Variants in CALN1 observed in about 807,000 individuals in gnomAD.
CALN1 encodes calneuron 1.
CALN1 carries 17 observed loss-of-function variants against 30.6 expected under a neutral mutation model. That is an observed-to-expected ratio of 0.56 (90% confidence interval 0.38 to 0.83). The LOEUF (loss-of-function observed/expected upper bound fraction) is 0.83, where lower values mean the gene tolerates loss of function less well. Ranked by LOEUF, CALN1 falls within the 40% of genes least tolerant of loss-of-function variation. The pLI, the probability that CALN1 is intolerant of heterozygous loss-of-function variation, is 0.00. For synonymous variants in CALN1, 156 were observed against 131.4 expected, an observed-to-expected ratio of 1.19 and a Z score of -1.28; for missense variants, 291 against 354.9, an observed-to-expected ratio of 0.82 and a Z score of 1.45.
At chr7:72,019,063 C>A (rs1007614247) in intron 5 of CALN1, among the ~76,000 whole-genome samples, 1 of 150,292 alleles carries the variant, frequency 6.7e-6, no homozygotes, top group South Asian at 2.1e-4. Context: ...GTTGGCCAGG[C>A]TGGTCTCAAA....
At chr7:72,164,962 TGGGATTACA>T (rs1436448927) in intron 3 of CALN1, among the ~76,000 whole-genome samples, 1 of 148,996 alleles carries the variant, frequency 6.7e-6, no homozygotes, top group Non-Finnish European at 1.5e-5. Flanking sequence ...TCCAAAGTCC[TGGGATTACA>T]GGCATAAGCC....
chr7:72,336,845 C>T (rs895090925), intron 2 of CALN1: 4 of 985,130 alleles, frequency 4.1e-6, no homozygotes, highest in Non-Finnish European at 4.8e-6. Flanking sequence ...GCTCACACCC[C>T]CAGCAGGCAG....
chr7:72,131,817 C>G (rs971537833), intron 3 of CALN1, among the ~76,000 whole-genome samples: 3 of 152,140 alleles, frequency 2.0e-5, no homozygotes, highest in Non-Finnish European at 4.4e-5. Context: ...TTGCCTGGAA[C>G]CACTCTCTTT....
chr7:72,376,375 G>A (rs1230120626), intron 2 of CALN1, among the ~76,000 whole-genome samples: 5 of 152,104 alleles, frequency 3.3e-5, no homozygotes, highest in East Asian at 1.9e-4. Context: ...CAATGTCTCC[G>A]CATCCTTTCT....
intron 5 of CALN1, among the ~76,000 whole-genome samples, chr7:71,973,420 T>C (rs952900107): frequency 4.6e-5 from 7 of 152,144 alleles, no homozygotes; most frequent in African/African-American, 1.7e-4. Context: ...AGGTGTTCCA[T>C]CCGTCTCGGC....
chr7:72,351,404 G>A (rs1308413217), intron 2 of CALN1, among the ~76,000 whole-genome samples: 2 of 151,876 alleles, frequency 1.3e-5, no homozygotes, highest in African/African-American at 2.4e-5. Flanking sequence ...ATAAGTCCTG[G>A]GAATGGAAAA....
chr7:71,798,127 G>GAC lies in CALN1; in HGVS notation c.659-10226_659-10225insGT, dbSNP rs1325197715. Among the ~76,000 whole-genome samples, 18 of 35,580 alleles carry GAC rather than the reference G, an allele frequency of 5.1e-4. No individual in the cohort carries two copies. In the East Asian group the frequency reaches 9.2e-3, roughly 18 times the overall value. 23.3% of individuals were successfully genotyped at this position (35,580 alleles called of 152,430 possible). A position where few individuals can be genotyped will look rare whatever the true frequency, so the allele number is the denominator to read the frequency against. ...AGAGAGAGACAGAGACAGAGACAGAGAGAGAGAGAGAGAGAGAGAGAGAGA... is the reference window on the plus strand; with the variant it reads ...AGAGAGAGACAGAGACAGAGACAGAGACAGAGAGAGAGAGAGAGAGAGAGAGA... On this transcript the variant is annotated intron_variant, in intron 6 of 6. Coordinates refer to ENST00000395275, the MANE Select transcript of CALN1 (RefSeq NM_031468.4).
intron 3 of CALN1, among the ~76,000 whole-genome samples, chr7:72,228,163 A>G (rs144209537): frequency 8.8e-4 from 134 of 152,032 alleles, no homozygotes; most frequent in African/African-American, 2.9e-3. Flanking sequence ...GGGCTTGTCA[A>G]TGAGATGCCT....
chr7:72,150,753 T>G (rs1787169517), intron 3 of CALN1, among the ~76,000 whole-genome samples: 2 of 152,200 alleles, frequency 1.3e-5, no homozygotes, highest in Non-Finnish European at 2.9e-5. Context: ...TTTTTTCATT[T>G]GTAAAATGGG....
intron 2 of CALN1, among the ~76,000 whole-genome samples, chr7:72,318,247 T>C (rs1562880204): frequency 1.3e-5 from 2 of 152,204 alleles, no homozygotes; most frequent in Non-Finnish European, 2.9e-5. Context: ...TTTACGTTAT[T>C]TTCTCTTCTG....
At chr7:72,449,128 T>C (rs1808607418), upstream of CALN1, among the ~76,000 whole-genome samples, 1 of 152,136 alleles carries the variant, frequency 6.6e-6, no homozygotes, top group South Asian at 2.1e-4. Flanking sequence ...GGGTTTATAA[T>C]TTGAAAATTA....
At chr7:72,320,670 A>C (rs912270229) in intron 2 of CALN1, among the ~76,000 whole-genome samples, 1 of 151,980 alleles carries the variant, frequency 6.6e-6, no homozygotes, top group Non-Finnish European at 1.5e-5. Flanking sequence ...CCCCATCTCT[A>C]CTAAAAATAC....
intron 4 of CALN1, among the ~76,000 whole-genome samples, chr7:72,093,145 CT>C (rs1805989068): frequency 6.6e-6 from 1 of 152,134 alleles, no homozygotes; most frequent in Admixed American, 6.5e-5. Context: ...CTCTCACATA[CT>C]AGTTAAAGCA....
chr7:72,389,499 T>C, intron 2 of CALN1, among the ~76,000 whole-genome samples: 1 of 152,198 alleles, frequency 6.6e-6, no homozygotes, highest in Non-Finnish European at 1.5e-5. Flanking sequence ...CTGTTAGGCT[T>C]TAATTTTGCA....
chr7:71,800,969 T>C (rs938309454), intron 6 of CALN1, among the ~76,000 whole-genome samples: 1 of 152,074 alleles, frequency 6.6e-6, no homozygotes, highest in African/African-American at 2.4e-5. Context: ...CTCCCTCCCA[T>C]TGCCCCCTGA....
At chr7:72,344,888 CATAT>C (rs1432226578) in intron 2 of CALN1, among the ~76,000 whole-genome samples, 1 of 146,100 alleles carries the variant, frequency 6.8e-6, no homozygotes, top group African/African-American at 2.5e-5. Context: ...ATATAAATAG[CATAT>C]ATTTATATCA....
chr7:72,138,157 T>A (rs1040352173), intron 3 of CALN1, among the ~76,000 whole-genome samples: 1 of 152,212 alleles, frequency 6.6e-6, no homozygotes, highest in Non-Finnish European at 1.5e-5. Flanking sequence ...TAAAACTATA[T>A]GTGTAATATG....
At chr7:71,929,954 C>T (rs73185097) in intron 5 of CALN1, among the ~76,000 whole-genome samples, 19,851 of 152,188 alleles carry the variant, frequency 0.13, 1,735 homozygotes, top group Non-Finnish European at 0.19. Context: ...CCAAAATCCA[C>T]GGCTGCTCAA....
chr7:71,790,901 G>C (rs943885305), intron 6 of CALN1, among the ~76,000 whole-genome samples: 2 of 152,114 alleles, frequency 1.3e-5, no homozygotes, highest in African/African-American at 4.8e-5. Context: ...ATGAAATCAG[G>C]GGTGTTGAAG....
Sources: allele counts gnomAD v4.1 joint callset (sites outside exome capture counted in the v4.1 genomes callset), GRCh38; gene constraint gnomAD v4.1.1; transcripts MANE v1.5; gene names NCBI Gene and HGNC (gene_info 2026-07-23, HGNC 2026-07-21).